CCDC178: variants seen among roughly 807,000 people sequenced by gnomAD.
CCDC178 encodes the protein coiled-coil domain-containing protein 178.
In CCDC178, 126 loss-of-function variants were observed where a neutral mutation model predicts 117.4. The observed-to-expected ratio is 1.07, with a 90% CI of 0.93 to 1.24. The LOEUF (loss-of-function observed/expected upper bound fraction) is 1.24. CCDC178 is among the 50% of genes most tolerant of loss of function. CCDC178 has a pLI of 0.00. For missense variants in CCDC178, 1,030 were observed against 986.9 expected, an observed-to-expected ratio of 1.04 and a Z score of -0.59; for synonymous variants, 283 against 313.4, an observed-to-expected ratio of 0.90 and a Z score of 1.02.
intron 20 of CCDC178, among the ~76,000 whole-genome samples, chr18:33,192,901 CA>C (rs3046443): frequency 0.048 from 4,577 of 96,310 alleles, 234 homozygotes; most frequent in African/African-American, 0.14. Context: ...AACTCCGTCT[CA>C]AAAAAAAAAA....
chr18:33,126,997 A>ATATAT (rs1555647859), intron 20 of CCDC178, among the ~76,000 whole-genome samples: 8 of 141,186 alleles, frequency 5.7e-5, no homozygotes, highest in African/African-American at 2.2e-4. Context: ...AAAAAAAAAA[A>ATATAT]ATATATATAT....
intron 11 of CCDC178, among the ~76,000 whole-genome samples, chr18:33,300,208 G>A (rs1475670681): frequency 2.0e-5 from 3 of 152,090 alleles, no homozygotes; most frequent in Non-Finnish European, 4.4e-5. Context: ...CTCCATGATT[G>A]TTACCTTCCT....
intron 6 of CCDC178, among the ~76,000 whole-genome samples, chr18:33,359,458 T>C (rs1293729102): frequency 1.3e-5 from 2 of 151,656 alleles, no homozygotes; most frequent in African/African-American, 4.8e-5. Context: ...AAATACTATT[T>C]ATTCAGGATA....
chr18:33,126,997 A>AAAATAT (rs71266914), intron 20 of CCDC178, among the ~76,000 whole-genome samples: 3 of 141,180 alleles, frequency 2.1e-5, no homozygotes, highest in African/African-American at 8.1e-5. Context: ...AAAAAAAAAA[A>AAAATAT]ATATATATAT....
chr18:33,129,984 A>C (rs932008170), intron 20 of CCDC178, among the ~76,000 whole-genome samples: 1 of 152,008 alleles, frequency 6.6e-6, no homozygotes, highest in African/African-American at 2.4e-5. Context: ...CAAGTACATC[A>C]AGAATTTTAA....
chr18:33,264,915 AC>A lies in CCDC178; in HGVS notation c.1409+2000del, dbSNP rs199843356. On this transcript the variant is annotated intron_variant, in intron 14 of 22. Transcript: ENST00000383096. The stretch of plus-strand genomic sequence containing the variant: ...CACTAAGATTTGGGGGTTGTGTGTT[AC>A]TGCAGAATAATCTAATAAGTGCCTG... 6.0e-3 allele frequency among the ~76,000 whole-genome samples: 916 copies of A among 152,146 alleles called. 8 individuals carry two copies. Among genetic ancestry groups the A allele is most frequent in the Non-Finnish European group, 0.01 (702 of 67,960 alleles).
intron 10 of CCDC178, among the ~76,000 whole-genome samples, chr18:33,332,272 G>C (rs1462091809): frequency 6.6e-6 from 1 of 152,032 alleles, no homozygotes; most frequent in East Asian, 1.9e-4. Flanking sequence ...GGTAAAGGAG[G>C]AACGAAAATG....
At chr18:33,255,500 G>C (rs1165019482) in intron 14 of CCDC178, among the ~76,000 whole-genome samples, 1 of 152,052 alleles carries the variant, frequency 6.6e-6, no homozygotes, top group South Asian at 2.1e-4. Flanking sequence ...AATTGAAATA[G>C]AGAAAAAGTA....
intron 20 of CCDC178, among the ~76,000 whole-genome samples, chr18:33,170,780 G>T (rs554339457): frequency 6.6e-6 from 1 of 152,228 alleles, no homozygotes; most frequent in Admixed American, 6.5e-5. Context: ...CCTAAAAGCA[G>T]AGGATTTTTT....
intron 21 of CCDC178, among the ~76,000 whole-genome samples, chr18:33,060,246 A>G (rs1376062188): frequency 1.3e-5 from 2 of 152,136 alleles, no homozygotes; most frequent in African/African-American, 4.8e-5. Context: ...CTGGTTGACA[A>G]ATGACATTTT....
chr18:33,387,570 A>G (rs994938044), intron 5 of CCDC178, among the ~76,000 whole-genome samples: 26 of 152,200 alleles, frequency 1.7e-4, no homozygotes, highest in African/African-American at 6.3e-4. Context: ...ATCTACAACC[A>G]TCTGATCTTC....
intron 14 of CCDC178, among the ~76,000 whole-genome samples, chr18:33,252,398 G>T (rs2059627753): frequency 6.6e-6 from 1 of 151,758 alleles, no homozygotes; most frequent in Non-Finnish European, 1.5e-5. Flanking sequence ...TAACATGTGG[G>T]TGAGTAGTTA....
In CCDC178 at chr18:33,247,075, C is replaced by CAT. The variant is rs1555670793; in HGVS notation, c.1410-1648_1410-1647insAT. 5.4e-5 allele frequency among the ~76,000 whole-genome samples: 8 copies of CAT among 147,754 alleles called. No individual in the cohort carries two copies. The East Asian group carries it at 8.0e-4, about 15-fold the overall frequency. On this transcript the variant is annotated intron_variant, in intron 14 of 22. Coordinates refer to ENST00000383096, the MANE Select transcript of CCDC178 (RefSeq NM_001105528.4). The stretch of plus-strand genomic sequence containing the variant: ...TATGTGTATATATGTAAGTGTGTTA[C>CAT]GTGTGTGTGTGTGTGTGTGAGAGAG...
At chr18:33,163,452 A>G (rs978218393) in intron 20 of CCDC178, among the ~76,000 whole-genome samples, 11 of 152,158 alleles carry the variant, frequency 7.2e-5, no homozygotes, top group African/African-American at 2.7e-4. Context: ...AAAATAGAGA[A>G]CCATGGCCCT....
intron 20 of CCDC178, among the ~76,000 whole-genome samples, chr18:33,164,897 T>A (rs766821701): frequency 2.0e-5 from 3 of 152,220 alleles, no homozygotes; most frequent in African/African-American, 7.2e-5. Context: ...TCAATAAACC[T>A]TTTATACCTT....
chr18:33,005,102 T>A (rs1598778117), intron 21 of CCDC178, among the ~76,000 whole-genome samples: 1 of 152,042 alleles, frequency 6.6e-6, no homozygotes, highest in African/African-American at 2.4e-5. Context: ...GACCCAACAA[T>A]CCTACTGCTA....
chr18:33,145,334 T>G (rs559605686), intron 20 of CCDC178, among the ~76,000 whole-genome samples: 12 of 152,186 alleles, frequency 7.9e-5, no homozygotes, highest in Non-Finnish European at 1.8e-4. Flanking sequence ...TAAAAAGAGT[T>G]TGAATTTTTG....
intron 21 of CCDC178, among the ~76,000 whole-genome samples, chr18:33,084,673 G>A (rs1248747472): frequency 2.0e-5 from 3 of 151,678 alleles, no homozygotes; most frequent in Non-Finnish European, 2.9e-5. Context: ...TTAGCTGGGC[G>A]GGGTGGTGTG....
At chr18:32,995,581 T>G (rs994518456) in intron 21 of CCDC178, among the ~76,000 whole-genome samples, 1 of 152,160 alleles carries the variant, frequency 6.6e-6, no homozygotes, top group African/African-American at 2.4e-5. Flanking sequence ...CTGCCTCTAT[T>G]TCTAACATAA....
Sources: allele counts gnomAD v4.1 joint callset (sites outside exome capture counted in the v4.1 genomes callset), GRCh38; gene constraint gnomAD v4.1.1; transcripts MANE v1.5; gene names NCBI Gene and HGNC (gene_info 2026-07-23, HGNC 2026-07-21).